The following RORA variants were observed in gnomAD, a reference collection of about 807,000 sequenced individuals.
The protein encoded by RORA is RAR related orphan receptor A.
RORA carries 7 observed loss-of-function variants against 69.5 expected under a neutral mutation model. The observed-to-expected ratio is 0.10, with a 90% confidence interval of 0.06 to 0.19. The LOEUF (loss-of-function observed/expected upper bound fraction) is 0.19, where lower values mean the gene tolerates loss of function less well. RORA is among the 10% of genes least tolerant of loss of function. The pLI, the probability that RORA is intolerant of heterozygous loss-of-function variation, is 1.00. For missense variants in RORA, 457 were observed against 663.0 expected (o/e 0.69, Z 3.41); for synonymous variants, 261 against 240.8 (o/e 1.08, Z -0.78).
At chr15:60,506,444 TG>T (rs1051416072) in intron 5 of RORA, among the ~76,000 whole-genome samples, 3 of 152,198 alleles carry the variant, frequency 2.0e-5, no homozygotes, top group Admixed American at 2.0e-4. Context: ...TCTAGGAGCT[TG>T]TAATCTGGTG....
At chr15:61,096,388 C>G (rs754538851) in intron 1 of RORA, among the ~76,000 whole-genome samples, 1 of 152,048 alleles carries the variant, frequency 6.6e-6, no homozygotes, top group Admixed American at 6.5e-5. Flanking sequence ...CATTTAGTAG[C>G]GACAATTCAC....
chr15:60,525,085 CAACAA>C (rs1422780065), intron 3 of RORA, among the ~76,000 whole-genome samples: 5 of 151,694 alleles, frequency 3.3e-5, no homozygotes, highest in African/African-American at 9.8e-5. Flanking sequence ...GATGAACAAA[CAACAA>C]AACAAACACG....
intron 1 of RORA, among the ~76,000 whole-genome samples, chr15:61,017,569 C>G (rs373740568): frequency 1.3e-5 from 2 of 152,170 alleles, no homozygotes; most frequent in African/African-American, 4.8e-5. Flanking sequence ...TTTCCCTTCT[C>G]TAAGTCTGAA....
chr15:61,031,338 C>G (rs550104630), intron 1 of RORA, among the ~76,000 whole-genome samples: 1 of 152,252 alleles, frequency 6.6e-6, no homozygotes, highest in South Asian at 2.1e-4. Context: ...ATCTATAATG[C>G]TCAAAAGAGA....
At chr15:61,182,770 C>T (rs886231871) in intron 1 of RORA, among the ~76,000 whole-genome samples, 2 of 152,212 alleles carry the variant, frequency 1.3e-5, no homozygotes, top group Admixed American at 6.5e-5. Context: ...TGGGACAGCT[C>T]GATGGCATGA....
At chr15:61,179,335 A>AGGG (rs1297404519) in intron 1 of RORA, among the ~76,000 whole-genome samples, 1 of 152,252 alleles carries the variant, frequency 6.6e-6, no homozygotes, top group Non-Finnish European at 1.5e-5. Flanking sequence ...TGAATGCAGA[A>AGGG]GCAGAGCTGG....
intron 1 of RORA, among the ~76,000 whole-genome samples, chr15:61,134,761 A>T (rs536277666): frequency 3.9e-5 from 6 of 152,120 alleles, no homozygotes; most frequent in Non-Finnish European, 8.8e-5. Context: ...CAAGCATCTG[A>T]CAGGTGTGAC....
intron 1 of RORA, among the ~76,000 whole-genome samples, chr15:60,997,306 T>C (rs988731452): frequency 3.9e-5 from 6 of 152,184 alleles, no homozygotes; most frequent in African/African-American, 1.4e-4. Flanking sequence ...TATTCTCTCA[T>C]TAAATCAATA....
At position 61,156,485 on chromosome 15, in the gene RORA, T is replaced by C. The variant is rs547722844; in HGVS notation, c.166+72568A>G. ...GAAGAGCCAGTTCCATCAAGTCTTC[T>C]CAGCAACTCTCCATTACCTTCCCCA... is the stretch of plus-strand genomic sequence containing the variant. On this transcript the variant is annotated intron_variant, in intron 1 of 10. Coordinates refer to ENST00000335670, the MANE Select transcript of RORA (RefSeq NM_134261.3). Among the ~76,000 whole-genome samples, 3 of 152,210 alleles carry C rather than the reference T, an allele frequency of 2.0e-5. No individual in the cohort carries two copies. In the South Asian group the frequency reaches 6.2e-4, roughly 32 times the overall value.
At chr15:60,680,763 G>A (rs1355109413) in intron 1 of RORA, among the ~76,000 whole-genome samples, 1 of 152,022 alleles carries the variant, frequency 6.6e-6, no homozygotes, top group Non-Finnish European at 1.5e-5. Context: ...ATTTAACTGT[G>A]CATTCTGTAT....
chr15:61,037,493 C>A (rs1185959453), intron 1 of RORA, among the ~76,000 whole-genome samples: 1 of 152,186 alleles, frequency 6.6e-6, no homozygotes, highest in African/African-American at 2.4e-5. Context: ...TCCTCTTGGG[C>A]ACAGACGCAG....
At chr15:60,619,538 A>G (rs1201576303) in intron 2 of RORA, among the ~76,000 whole-genome samples, 1 of 152,214 alleles carries the variant, frequency 6.6e-6, no homozygotes, top group Non-Finnish European at 1.5e-5. Context: ...ATATCATAAC[A>G]TATAAGTCAA....
intron 1 of RORA, among the ~76,000 whole-genome samples, chr15:61,224,366 C>T (rs1481940891): frequency 1.3e-5 from 2 of 152,188 alleles, no homozygotes; most frequent in South Asian, 2.1e-4. Flanking sequence ...ATGGCAATCA[C>T]ATTACAGCTC....
intron 1 of RORA, among the ~76,000 whole-genome samples, chr15:60,755,406 C>T (rs996443681): frequency 6.6e-6 from 1 of 151,928 alleles, no homozygotes; most frequent in Non-Finnish European, 1.5e-5. Flanking sequence ...TGGGTTGGTT[C>T]CAAGTCTTTG....
At chr15:60,569,923 A>C (rs1466772645) in intron 2 of RORA, among the ~76,000 whole-genome samples, 1 of 152,242 alleles carries the variant, frequency 6.6e-6, no homozygotes, top group Non-Finnish European at 1.5e-5. Context: ...CGTCAGCAAA[A>C]GGAGAGCAAG....
chr15:61,223,398 A>C (rs1162618516), intron 1 of RORA, among the ~76,000 whole-genome samples: 1 of 152,162 alleles, frequency 6.6e-6, no homozygotes, highest in Non-Finnish European at 1.5e-5. Context: ...TCTGGATGAA[A>C]TATTCCTATA....
intron 4 of RORA, among the ~76,000 whole-genome samples, chr15:60,514,014 A>G (rs2065785466): frequency 1.3e-5 from 2 of 152,246 alleles, no homozygotes; most frequent in Non-Finnish European, 2.9e-5. Context: ...TTCCAGGAAG[A>G]TCTTGAAATG....
intron 1 of RORA, among the ~76,000 whole-genome samples, chr15:60,894,984 A>T (rs1011592526): frequency 1.3e-5 from 2 of 152,108 alleles, no homozygotes; most frequent in African/African-American, 4.8e-5. Flanking sequence ...TGCTACAGTC[A>T]CCTCTAAAAA....
intron 2 of RORA, chr15:60,547,768 C>T (rs770759532): frequency 3.9e-5 from 6 of 151,960 alleles, no homozygotes; most frequent in Non-Finnish European, 8.8e-5. Flanking sequence ...GAAAACATTG[C>T]TGAAGGAGGT....
Sources: gnomAD v4.1 joint callset for allele counts (sites outside exome capture counted in the v4.1 genomes callset) on GRCh38, gnomAD v4.1.1 for gene constraint, MANE v1.5 for transcripts, NCBI Gene and HGNC (gene_info 2026-07-23, HGNC 2026-07-21) for gene names.